The following FAM107B variants were observed in gnomAD, a reference collection of about 807,000 sequenced individuals.
FAM107B encodes the protein family with sequence similarity 107 member B, also known as protein FAM107B.
Under a neutral mutation model 31.5 loss-of-function variants are expected in FAM107B, and 21 were observed. That is an observed-to-expected ratio of 0.67 (90% confidence interval 0.47 to 0.96). The LOEUF is 0.96. Ranked by LOEUF, FAM107B falls within the 40% of genes least tolerant of loss-of-function variation. The pLI is 0.00. For missense variants in FAM107B, 452 were observed against 377.1 expected (o/e 1.20, Z -1.64); for synonymous variants, 157 against 141.5 (o/e 1.11, Z -0.78).
At chr10:14,617,170 GT>G (rs5783412) in intron 2 of FAM107B, among the ~76,000 whole-genome samples, 8,603 of 151,998 alleles carry the variant, frequency 0.057, 291 homozygotes, top group East Asian at 0.1. Flanking sequence ...GATATTTTCA[GT>G]TTTTTTTGAA....
intron 2 of FAM107B, among the ~76,000 whole-genome samples, chr10:14,600,660 G>A (rs1027747698): frequency 5.3e-5 from 8 of 151,872 alleles, no homozygotes; most frequent in African/African-American, 1.5e-4. Context: ...ATTTTTTAGC[G>A]ACAGGCTCTC....
rs184930343 is a variant in FAM107B, at chr10:14,581,046, A to G, written c.470-50531T>C. Among the ~76,000 whole-genome samples, 66 of 152,354 alleles carry G rather than the reference A, an allele frequency of 4.3e-4. 1 individual carries two copies. The highest frequency in any genetic ancestry group is 1.2e-3 in the Admixed American group (19 of 15,304). On this transcript the variant is annotated intron_variant, in intron 2 of 4. Coordinates refer to ENST00000181796, the MANE Select transcript of FAM107B (RefSeq NM_031453.4). ...AAGTCTCTGCTGCTGGAAACAGCAG[A>G]TACAAAACCCAAAGTCTATGAAATG... is the stretch of plus-strand genomic sequence containing the variant.
At chr10:14,765,563 T>C (rs570240827) in intron 1 of FAM107B, among the ~76,000 whole-genome samples, 2 of 152,282 alleles carry the variant, frequency 1.3e-5, no homozygotes, top group East Asian at 3.9e-4. Flanking sequence ...AGGGCTGAAA[T>C]GGAATGGAAT....
rs887761596 is a variant in FAM107B at position 14,571,921 on chromosome 10, C to T, written c.470-41406G>A. Reference sequence around the variant, plus strand: ...ACGGTTACAGAGACTGACCTAACCTCACCTCAGTAGATATAGGCAGGCTCC... The same window carrying T: ...ACGGTTACAGAGACTGACCTAACCTTACCTCAGTAGATATAGGCAGGCTCC... On this transcript the variant is annotated intron_variant, in intron 2 of 4. Transcript: ENST00000181796. 3 of 985,352 alleles carry T rather than the reference C, an allele frequency of 3.0e-6. No homozygotes were observed. The African/African-American group carries it at 5.2e-5, about 17-fold the overall frequency. The allele number at this position is 985,352 out of a possible 1,614,324, so 61.0% of individuals were successfully genotyped here. A position where few individuals can be genotyped will look rare whatever the true frequency, so the allele number is the denominator to read the frequency against.
intron 2 of FAM107B, among the ~76,000 whole-genome samples, chr10:14,583,181 G>A (rs1851708392): frequency 6.6e-6 from 1 of 151,988 alleles, no homozygotes; most frequent in South Asian, 2.1e-4. Context: ...TCCAGAGCCT[G>A]ATAAATCATA....
intron 1 of FAM107B, among the ~76,000 whole-genome samples, chr10:14,704,084 T>C (rs1855466718): frequency 1.3e-5 from 2 of 152,202 alleles, no homozygotes; most frequent in South Asian, 4.1e-4. Context: ...TGGTTCCCAT[T>C]CTACAGATGG....
At position 14,671,892 on chromosome 10, in the gene FAM107B, A is replaced by C. The variant is rs1204733604; in HGVS notation, c.412-4201T>G. On this transcript the variant is annotated intron_variant, in intron 1 of 4. Transcript: ENST00000181796. ...TTATTTAAAAAAAAAAAACAAAAAA[A>C]CAAAAAAAAAACCCTCTATTTCTTT... is the stretch of plus-strand genomic sequence containing the variant. 6.2e-4 allele frequency among the ~76,000 whole-genome samples: 92 copies of C among 147,558 alleles called. 5 individuals are homozygous for C. Among genetic ancestry groups the C allele is most frequent in the Non-Finnish European group, 1.5e-5 (1 of 67,032 alleles).
At chr10:14,602,864 T>C (rs1339191606) in intron 2 of FAM107B, 3 of 152,164 alleles carry the variant, frequency 2.0e-5, no homozygotes, top group Non-Finnish European at 4.4e-5. Context: ...TAAGAAAATA[T>C]ATTTCAAAAC....
At chr10:14,561,516 C>A (rs1021908755) in intron 2 of FAM107B, among the ~76,000 whole-genome samples, 1 of 152,164 alleles carries the variant, frequency 6.6e-6, no homozygotes, top group Non-Finnish European at 1.5e-5. Context: ...GCGAAGAGGC[C>A]TGACCAGGTA....
intron 2 of FAM107B, among the ~76,000 whole-genome samples, chr10:14,573,133 A>G (rs1452628472): frequency 6.6e-6 from 1 of 152,078 alleles, no homozygotes; most frequent in Non-Finnish European, 1.5e-5. Context: ...CTGCTCAGTC[A>G]GTGCACTGTG....
chr10:14,760,986 T>C (rs890996809), intron 1 of FAM107B, among the ~76,000 whole-genome samples: 1 of 119,300 alleles, frequency 8.4e-6, no homozygotes, highest in African/African-American at 3.4e-5. Flanking sequence ...CACTCCAGCC[T>C]GGGCGACAGA....
At chr10:14,577,640 G>A (rs1851506814) in intron 2 of FAM107B, among the ~76,000 whole-genome samples, 1 of 152,194 alleles carries the variant, frequency 6.6e-6, no homozygotes, top group Admixed American at 6.5e-5. Context: ...GGCAGGAGAG[G>A]CCTTGTTCTC....
chr10:14,682,455 G>A (rs1371717595), intron 1 of FAM107B, among the ~76,000 whole-genome samples: 1 of 152,224 alleles, frequency 6.6e-6, no homozygotes, highest in East Asian at 1.9e-4. Context: ...CTTGAACCCA[G>A]GAGGTGCAGG....
intron 2 of FAM107B, among the ~76,000 whole-genome samples, chr10:14,581,780 A>C (rs1851644386): frequency 6.6e-6 from 1 of 152,132 alleles, no homozygotes; most frequent in African/African-American, 2.4e-5. Flanking sequence ...GTGCACACCC[A>C]CGGTCCCAGC....
intron 2 of FAM107B, among the ~76,000 whole-genome samples, chr10:14,585,113 A>G (rs1377048888): frequency 2.6e-5 from 4 of 152,200 alleles, no homozygotes; most frequent in African/African-American, 7.2e-5. Flanking sequence ...ACCCAAGAAA[A>G]TTCTGTAACC....
At chr10:14,635,676 G>C (rs1344481188) in intron 2 of FAM107B, among the ~76,000 whole-genome samples, 1 of 151,964 alleles carries the variant, frequency 6.6e-6, no homozygotes, top group Non-Finnish European at 1.5e-5. Flanking sequence ...CTGTCACCCA[G>C]GCTGGAGTAC....
intron 2 of FAM107B, among the ~76,000 whole-genome samples, chr10:14,662,692 T>C (rs1196473145): frequency 1.3e-5 from 2 of 152,170 alleles, no homozygotes; most frequent in Non-Finnish European, 2.9e-5. Context: ...AACATACCAA[T>C]AGGCTGAGAG....
At chr10:14,761,195 T>A (rs898461546) in intron 1 of FAM107B, among the ~76,000 whole-genome samples, 27 of 152,186 alleles carry the variant, frequency 1.8e-4, no homozygotes, top group Non-Finnish European at 3.1e-4. Context: ...AAGTCTTCAT[T>A]CATTTCTTAG....
At chr10:14,712,617 A>AC (rs1855677329) in intron 1 of FAM107B, among the ~76,000 whole-genome samples, 2 of 101,746 alleles carry the variant, frequency 2.0e-5, no homozygotes, top group Admixed American at 2.3e-4. Flanking sequence ...CCACCAAAAA[A>AC]CAAAAAAAAA....
Sources: allele counts gnomAD v4.1 joint callset (sites outside exome capture counted in the v4.1 genomes callset), GRCh38; gene constraint gnomAD v4.1.1; transcripts MANE v1.5; gene names NCBI Gene and HGNC (gene_info 2026-07-23, HGNC 2026-07-21).